Variants in OTUB1 observed in about 807,000 individuals in gnomAD.
The protein encoded by OTUB1 is ubiquitin thioesterase OTUB1.
Under a neutral mutation model 35.8 loss-of-function variants are expected in OTUB1, and 10 were observed. That is an observed-to-expected ratio of 0.28 (90% CI 0.17 to 0.47). OTUB1 has a LOEUF of 0.47. Ranked by LOEUF, OTUB1 falls within the 20% of genes least tolerant of loss-of-function variation. The probability of loss-of-function intolerance (pLI) is 0.99; values close to 1 mark genes in which losing one functional copy is unlikely to be tolerated. For missense variants in OTUB1, 264 were observed against 351.6 expected (o/e 0.75, Z 1.99); for synonymous variants, 158 against 143.8 (o/e 1.10, Z -0.71).
chr11:63,996,795 G>C (rs776922894), intron 4 of OTUB1, 62 bp from the exon 5 acceptor site: 503 of 1,610,642 alleles, frequency 3.1e-4, no homozygotes, highest in Non-Finnish European at 4.0e-4. Context: ...TGCTGTCTCG[G>C]CCCTGGCGTC....
At chr11:63,988,508 C>T (rs1942640592) in intron 2 of OTUB1, 110 bp downstream of exon 2, 5 of 1,320,680 alleles carry the variant, frequency 3.8e-6, no homozygotes, top group Non-Finnish European at 4.3e-6. Context: ...GCTCCCTCCT[C>T]CCTAGGCTAT....
At chr11:63,990,356 C>G (rs901725219) in intron 3 of OTUB1, 10 of 152,182 alleles carry the variant, frequency 6.6e-5, no homozygotes, top group Admixed American at 1.3e-4. Flanking sequence ...AATCCTAGCA[C>G]TTTGGGAGGC....
chr11:63,988,084 G>A (rs1194988115), intron 1 of OTUB1, among the ~76,000 whole-genome samples: 1 of 152,166 alleles, frequency 6.6e-6, no homozygotes, highest in Non-Finnish European at 1.5e-5. Context: ...AGACCAGCCT[G>A]GTCAACATGG....
rs1448400886 is a variant in OTUB1, at chr11:63,997,714, G to A, written c.*168G>A. 2.8e-6 allele frequency: 2 copies of A among 716,474 alleles called. No individual in the cohort carries two copies. The highest frequency in any genetic ancestry group is 2.5e-6 in the Non-Finnish European group (1 of 397,946). 44.4% of individuals were successfully genotyped at this position (716,474 alleles called of 1,614,324 possible). A position where few individuals can be genotyped will look rare whatever the true frequency, so the allele number is the denominator to read the frequency against. ...GGTGCTGGTGGTGAGCCGTGTGTGCGTGTCCCTGCTCTGCTGCCCGCCTGG... is the reference window on the plus strand; with the variant it reads ...GGTGCTGGTGGTGAGCCGTGTGTGCATGTCCCTGCTCTGCTGCCCGCCTGG... On this transcript the variant is annotated 3_prime_UTR_variant, in exon 7 of 7. Coordinates refer to ENST00000538426, the MANE Select transcript of OTUB1 (RefSeq NM_017670.3).
chr11:63,996,433 GC>G (rs1942717358), intron 3 of OTUB1, 96 bp from the exon 4 acceptor site: 1 of 1,367,548 alleles, frequency 7.3e-7, no homozygotes, highest in Non-Finnish European at 1.0e-6. Context: ...GAGCTCAGTT[GC>G]CACCTTTGGA....
chr11:63,989,530 C>A (rs1349639751), intron 3 of OTUB1: 3 of 151,838 alleles, frequency 2.0e-5, no homozygotes, highest in Non-Finnish European at 2.9e-5. Context: ...AGTTCGAGAC[C>A]AGCCTGGTCA....
chr11:63,994,565 C>T (rs1381495334), intron 3 of OTUB1, among the ~76,000 whole-genome samples: 1 of 152,204 alleles, frequency 6.6e-6, no homozygotes, highest in East Asian at 1.9e-4. Flanking sequence ...TGACTGTTTT[C>T]TTGCAGGTGA....
chr11:63,987,028 G>A (rs995126779), intron 1 of OTUB1: 1 of 154,330 alleles, frequency 6.5e-6, no homozygotes, highest in African/African-American at 2.4e-5. Flanking sequence ...TGAGGCCTGC[G>A]ACTTTTTCTG....
intron 3 of OTUB1, chr11:63,989,147 C>T (rs1156816742): frequency 1.3e-5 from 2 of 159,624 alleles, no homozygotes; most frequent in African/African-American, 2.4e-5. Context: ...TGGTGAAACC[C>T]CATCTCTACT....
intron 3 of OTUB1, among the ~76,000 whole-genome samples, chr11:63,996,202 T>G (rs2134310866): frequency 6.6e-6 from 1 of 152,272 alleles, no homozygotes; most frequent in South Asian, 2.1e-4. Context: ...GAAGTTCTCT[T>G]GGGCTGAAAG....
chr11:63,992,319 G>A (rs1278923375), intron 3 of OTUB1, among the ~76,000 whole-genome samples: 1 of 152,064 alleles, frequency 6.6e-6, no homozygotes, highest in African/African-American at 2.4e-5. Context: ...AACAGAAAAA[G>A]ACCGGGGAGC....
Position 63,996,939 on chromosome 11 carries a change from A to G in OTUB1, c.421A>G (p.Thr141Ala). 6.2e-7 allele frequency: 1 copy of G among 1,613,966 alleles called. No homozygotes were observed. Among genetic ancestry groups the G allele is most frequent in the South Asian group, 1.1e-5 (1 of 91,086 alleles). ...ATTCACAATTGAGGATTTCCACAAC[A>G]CGGTGAGCCCTGGTGCCTGTCTTGG... ...TEFTIEDFHN[T>A]FMDLIEQVEK... Residue 141 changes from threonine (T) to alanine (A), a missense_variant and splice_region_variant, in exon 5 of 7, where the codon ACG (threonine) becomes GCG (alanine). Around this residue, in one of 2 missense-constraint regions of OTUB1, gnomAD observed 214 missense variants for 317.1 expected, o/e 0.67. Transcript: ENST00000538426.
intron 3 of OTUB1, chr11:63,989,641 T>G (rs1177851658): frequency 1.3e-5 from 2 of 148,842 alleles, no homozygotes; most frequent in Non-Finnish European, 3.0e-5. Flanking sequence ...GCAGGAGAAT[T>G]GCTTGCATCT....
At chr11:63,991,325 C>T (rs1351615331) in intron 3 of OTUB1, among the ~76,000 whole-genome samples, 1 of 152,164 alleles carries the variant, frequency 6.6e-6, no homozygotes, top group Non-Finnish European at 1.5e-5. Context: ...TCATTCATTC[C>T]TCTTATGTCA....
chr11:63,994,051 T>G (rs1942696209), intron 3 of OTUB1, among the ~76,000 whole-genome samples: 1 of 151,730 alleles, frequency 6.6e-6, no homozygotes, highest in Admixed American at 6.6e-5. Flanking sequence ...TGCTTGAGCC[T>G]GGTAGGTTGA....
chr11:63,986,653 C>T (rs1378737866), intron 1 of OTUB1, 139 bp downstream of exon 1: 1 of 661,232 alleles, frequency 1.5e-6, no homozygotes, highest in Non-Finnish European at 2.5e-6. Context: ...ACCTCCGCTG[C>T]CTCCCCTCCC....
chr11:63,991,722 G>C (rs867108448), intron 3 of OTUB1, among the ~76,000 whole-genome samples: 1 of 152,210 alleles, frequency 6.6e-6, no homozygotes, highest in African/African-American at 2.4e-5. Context: ...GGTTCTTTGT[G>C]GTCCTGGTGT....
In OTUB1 at chr11:63,998,055, G is replaced by C. The variant is rs940109534; in HGVS notation, c.*509G>C. ...CCACCGGGAGTCTGCATGGTTGGGAGTCCTGGGTGGAGGGGCCTTTGTGAG... is the reference window on the plus strand; with the variant it reads ...CCACCGGGAGTCTGCATGGTTGGGACTCCTGGGTGGAGGGGCCTTTGTGAG... On this transcript the variant is annotated 3_prime_UTR_variant, in exon 7 of 7. Coordinates refer to ENST00000538426, the MANE Select transcript of OTUB1 (RefSeq NM_017670.3). The C allele has an allele frequency of 1.1e-5, 5 of 458,534 alleles. No individual in the cohort carries two copies. The highest frequency in any genetic ancestry group is 9.9e-5 in the African/African-American group (5 of 50,524). The allele number at this position is 458,534 out of a possible 1,614,324, so 28.4% of individuals were successfully genotyped here. A position where few individuals can be genotyped will look rare whatever the true frequency, so the allele number is the denominator to read the frequency against.
chr11:63,997,130 C>G lies in OTUB1; in HGVS notation c.504C>G (p.Ser168=), dbSNP rs373602614. Residue 168 remains serine, a synonymous_variant, in exon 6 of 7, where the codon TCC becomes TCG. Coordinates refer to ENST00000538426, the MANE Select transcript of OTUB1 (RefSeq NM_017670.3). ...LLASFNDQST[S]DYLVVYLRLL... ...CCTCCTTCAATGACCAGAGCACCTCCGACTACCTTGTGGTCTACCTGCGGC... is the reference window on the plus strand; with the variant it reads ...CCTCCTTCAATGACCAGAGCACCTCGGACTACCTTGTGGTCTACCTGCGGC... The G allele has an allele frequency of 6.2e-7, 1 of 1,614,204 alleles. No homozygotes were observed. Among genetic ancestry groups the G allele is most frequent in the South Asian group, 1.1e-5 (1 of 91,082 alleles).
Sources: gnomAD v4.1 joint callset for allele counts (sites outside exome capture counted in the v4.1 genomes callset) on GRCh38, gnomAD v4.1.1 for gene constraint, gnomAD v4.1.1 regional missense constraint, MANE v1.5 for transcripts, NCBI Gene and HGNC (gene_info 2026-07-23, HGNC 2026-07-21) for gene names.